ERC2: variants seen among roughly 807,000 people sequenced by gnomAD.
ERC2 encodes ERC protein 2.
ERC2 carries 42 observed loss-of-function variants against 114.8 expected under a neutral mutation model. The ratio of observed to expected loss-of-function variants is 0.37; its 90% confidence interval spans 0.29 to 0.47. The LOEUF (loss-of-function observed/expected upper bound fraction) is 0.47, where lower values mean the gene tolerates loss of function less well. Among genes scored for constraint, ERC2 ranks in the 20% least tolerant of loss-of-function variants. The pLI is 0.99. For synonymous variants in ERC2, 454 were observed against 425.5 expected (o/e 1.07, Z -0.82); for missense variants, 939 against 1,150.7 (o/e 0.82, Z 2.66).
chr3:56,209,263 T>C (rs1002606605), intron 3 of ERC2, among the ~76,000 whole-genome samples: 1 of 152,156 alleles, frequency 6.6e-6, no homozygotes, highest in Non-Finnish European at 1.5e-5. Context: ...CCCATCTATT[T>C]GCTCCTCCTC....
chr3:56,385,774 T>C (rs993141232), intron 2 of ERC2, among the ~76,000 whole-genome samples: 2 of 152,188 alleles, frequency 1.3e-5, no homozygotes, highest in South Asian at 2.1e-4. Context: ...ATGGTTTGCT[T>C]TCTTCAGCTA....
At chr3:55,806,305 A>C (rs1008388938) in intron 14 of ERC2, among the ~76,000 whole-genome samples, 1 of 149,980 alleles carries the variant, frequency 6.7e-6, no homozygotes, top group Non-Finnish European at 1.5e-5. Flanking sequence ...ACTGCACTCC[A>C]GTCTGGGAGC....
intron 12 of ERC2, among the ~76,000 whole-genome samples, chr3:55,957,331 T>C (rs1200593117): frequency 6.6e-6 from 1 of 152,224 alleles, no homozygotes; most frequent in African/African-American, 2.4e-5. Flanking sequence ...AGCTGCATTC[T>C]TATTGCAGCG....
At position 56,142,980 on chromosome 3, in the gene ERC2, A is replaced by C. The variant is rs148171701; in HGVS notation, c.1306-3304T>G. 1.8e-4 allele frequency among the ~76,000 whole-genome samples: 28 copies of C among 152,262 alleles called. No homozygotes were observed. The South Asian group carries it at 2.3e-3, about 12-fold the overall frequency. ...TACATTATCTACCTGAAGTTTTCCG[A>C]TCATCTTGCACAGCACATCCATGTA... On this transcript the variant is annotated intron_variant, in intron 5 of 17. Coordinates refer to ENST00000288221, the MANE Select transcript of ERC2 (RefSeq NM_015576.3).
chr3:56,145,336 T>C (rs1487302842), intron 5 of ERC2, among the ~76,000 whole-genome samples: 2 of 152,204 alleles, frequency 1.3e-5, no homozygotes, highest in African/African-American at 2.4e-5. Flanking sequence ...ATAGAAATAC[T>C]GGAATGAGTA....
At chr3:55,570,246 C>A (rs2056629123) in intron 17 of ERC2, among the ~76,000 whole-genome samples, 1 of 152,068 alleles carries the variant, frequency 6.6e-6, no homozygotes, top group South Asian at 2.1e-4. Flanking sequence ...ATTTCATGCT[C>A]CAAAATTGGT....
intron 3 of ERC2, among the ~76,000 whole-genome samples, chr3:56,202,120 A>ACATC (rs2048442774): frequency 6.6e-6 from 1 of 152,212 alleles, no homozygotes; most frequent in Non-Finnish European, 1.5e-5. Context: ...GCTTGCTGCA[A>ACATC]CATCCAAAGT....
At chr3:55,591,971 C>T (rs982338902) in intron 17 of ERC2, among the ~76,000 whole-genome samples, 1 of 152,200 alleles carries the variant, frequency 6.6e-6, no homozygotes, top group South Asian at 2.1e-4. Context: ...GTCTCTAAGG[C>T]CTTTTTCTAG....
intron 15 of ERC2, among the ~76,000 whole-genome samples, chr3:55,728,141 C>T (rs1350074117): frequency 6.6e-6 from 1 of 152,108 alleles, no homozygotes; most frequent in Admixed American, 6.5e-5. Flanking sequence ...TTGCTGAATG[C>T]CTACTAGCAT....
chr3:55,891,256 G>A (rs2063582400), intron 13 of ERC2, among the ~76,000 whole-genome samples: 2 of 152,070 alleles, frequency 1.3e-5, no homozygotes, highest in Non-Finnish European at 1.5e-5. Flanking sequence ...TGGTGACCGT[G>A]GAAGCAAGTT....
intron 6 of ERC2, among the ~76,000 whole-genome samples, chr3:56,094,400 C>A (rs1254395601): frequency 6.6e-6 from 1 of 152,148 alleles, no homozygotes; most frequent in Admixed American, 6.5e-5. Flanking sequence ...GGCTCAGAGA[C>A]CTAGTGTAGT....
chr3:56,436,832 G>A (rs149822416), intron 1 of ERC2, among the ~76,000 whole-genome samples: 1 of 152,334 alleles, frequency 6.6e-6, no homozygotes, highest in African/African-American at 2.4e-5. Context: ...GGGCCTCCCT[G>A]AGGGTGGAGA....
chr3:55,929,744 T>A, intron 13 of ERC2, among the ~76,000 whole-genome samples: 1 of 152,212 alleles, frequency 6.6e-6, no homozygotes, highest in Non-Finnish European at 1.5e-5. Flanking sequence ...CTTGTGATAA[T>A]GAGTTCTCAG....
chr3:56,151,501 T>C (rs979210424), intron 4 of ERC2, among the ~76,000 whole-genome samples: 12 of 152,070 alleles, frequency 7.9e-5, no homozygotes, highest in African/African-American at 2.7e-4. Flanking sequence ...AATACAGATA[T>C]ATCAGATGGT....
chr3:56,427,555 C>G (rs2061619425), intron 2 of ERC2, among the ~76,000 whole-genome samples: 1 of 152,222 alleles, frequency 6.6e-6, no homozygotes. Flanking sequence ...GTAACCTTCT[C>G]TGGAGATAGG....
chr3:56,443,958 A>ATTTTTTTTTTTTTTTTT (rs11343406), intron 1 of ERC2, among the ~76,000 whole-genome samples: 14 of 80,232 alleles, frequency 1.7e-4, no homozygotes, highest in Non-Finnish European at 2.2e-4. Context: ...AATACCTACA[A>ATTTTTTTTTTTTTTTTT]TTTTTTTTTT....
chr3:56,380,850 C>T (rs1048990335), intron 2 of ERC2, among the ~76,000 whole-genome samples: 35 of 152,204 alleles, frequency 2.3e-4, no homozygotes, highest in Non-Finnish European at 4.9e-4. Flanking sequence ...GTGAAAATTA[C>T]TTATAATCTG....
chr3:56,222,066 A>G (rs955509260), intron 3 of ERC2, among the ~76,000 whole-genome samples: 2 of 152,220 alleles, frequency 1.3e-5, no homozygotes, highest in Non-Finnish European at 2.9e-5. Context: ...ATACCATTTT[A>G]CTGTCAGGTA....
chr3:55,810,544 C>T (rs1428993307), intron 14 of ERC2, among the ~76,000 whole-genome samples: 3 of 151,806 alleles, frequency 2.0e-5, no homozygotes, highest in Non-Finnish European at 4.4e-5. Context: ...CTCACTGCAA[C>T]CTCCGCCTCC....
Sources: gnomAD v4.1 joint callset for allele counts (sites outside exome capture counted in the v4.1 genomes callset) on GRCh38, gnomAD v4.1.1 for gene constraint, MANE v1.5 for transcripts, NCBI Gene and HGNC (gene_info 2026-07-23, HGNC 2026-07-21) for gene names.